The following RAB39A variants were observed in gnomAD, a reference collection of about 807,000 sequenced individuals.
The protein encoded by RAB39A is ras-related protein Rab-39A.
Under a neutral mutation model 20.9 loss-of-function variants are expected in RAB39A, and 17 were observed. The observed-to-expected ratio is 0.81, with a 90% CI of 0.56 to 1.22. The LOEUF (loss-of-function observed/expected upper bound fraction) is 1.22, where lower values mean the gene tolerates loss of function less well. RAB39A is among the 50% of genes most tolerant of loss of function. The probability of loss-of-function intolerance (pLI) is 0.00; values close to 1 mark genes in which losing one functional copy is unlikely to be tolerated. For synonymous variants in RAB39A, 99 were observed against 103.4 expected, an observed-to-expected ratio of 0.96 and a Z score of 0.26; for missense variants, 234 against 270.5, an observed-to-expected ratio of 0.87 and a Z score of 0.95.
chr11:107,936,152 G>A (rs945857084), intron 1 of RAB39A, among the ~76,000 whole-genome samples: 2 of 151,918 alleles, frequency 1.3e-5, no homozygotes, highest in East Asian at 1.9e-4. Flanking sequence ...CGCCCACCTC[G>A]GCCTCCCAAA....
At chr11:107,943,000 A>C (rs569885249) in intron 1 of RAB39A, among the ~76,000 whole-genome samples, 1 of 152,314 alleles carries the variant, frequency 6.6e-6, no homozygotes, top group East Asian at 1.9e-4. Context: ...AATACAGATA[A>C]CTGTCAGCAA....
At chr11:107,959,963 G>A (rs1003723077) in intron 1 of RAB39A, among the ~76,000 whole-genome samples, 1 of 152,180 alleles carries the variant, frequency 6.6e-6, no homozygotes, top group African/African-American at 2.4e-5. Flanking sequence ...TGTAATCCTA[G>A]CACTTTGGGA....
intron 1 of RAB39A, among the ~76,000 whole-genome samples, chr11:107,950,456 C>G (rs917940363): frequency 6.6e-6 from 1 of 151,898 alleles, no homozygotes; most frequent in Non-Finnish European, 1.5e-5. Flanking sequence ...GTTTTAAACA[C>G]TAGGGATACA....
Position 107,928,574 on chromosome 11 carries a change from G to A in RAB39A, c.6G>A (p.Glu2=). 1 of 1,510,530 alleles carries A rather than the reference G, an allele frequency of 6.6e-7. No individual in the cohort carries two copies. Among genetic ancestry groups the A allele is most frequent in the Non-Finnish European group, 9.0e-7 (1 of 1,113,166 alleles). 93.6% of individuals were successfully genotyped at this position (1,510,530 alleles called of 1,614,324 possible). A position where few individuals can be genotyped will look rare whatever the true frequency, so the allele number is the denominator to read the frequency against. M[E]TIWIYQFRLI... ...GCCAGCGGGGCACGTGAGCGATGGA[G>A]ACCATCTGGATCTACCAGTTCCGCC... Residue 2 remains glutamate, a synonymous_variant, in exon 1 of 2, where the codon GAG becomes GAA. Coordinates refer to ENST00000320578, the MANE Select transcript of RAB39A (RefSeq NM_017516.3). This position sits in a 1 kb window ranked among gnomAD's most constrained non-coding sequence, Gnocchi z 4.9.
intron 1 of RAB39A, among the ~76,000 whole-genome samples, chr11:107,929,059 C>T (rs554180): frequency 0.12 from 18,751 of 152,182 alleles, 1,719 homozygotes; most frequent in African/African-American, 0.26. Flanking sequence ...CCGGGGTCGT[C>T]CTCGCCGCCC....
intron 1 of RAB39A, among the ~76,000 whole-genome samples, chr11:107,939,436 C>T (rs376979040): frequency 1.3e-5 from 2 of 149,434 alleles, no homozygotes; most frequent in African/African-American, 4.9e-5. Flanking sequence ...GAAACCCCGT[C>T]TCTACTAAAA....
Position 107,928,545 on chromosome 11 carries a change from G to T in RAB39A, c.-24G>T, listed in dbSNP as rs775036190. 3 of 1,426,376 alleles carry T rather than the reference G, an allele frequency of 2.1e-6. No individual in the cohort carries two copies. The South Asian group carries it at 4.8e-5, about 23-fold the overall frequency. 88.4% of individuals were successfully genotyped at this position (1,426,376 alleles called of 1,614,324 possible). ...ACTTAGCCCGCGGGTGGGGCGGCCCGGGAGCCAGCGGGGCACGTGAGCGAT... is the reference window on the plus strand; with the variant it reads ...ACTTAGCCCGCGGGTGGGGCGGCCCTGGAGCCAGCGGGGCACGTGAGCGAT... On this transcript the variant is annotated 5_prime_UTR_variant, in exon 1 of 2. Coordinates refer to ENST00000320578, the MANE Select transcript of RAB39A (RefSeq NM_017516.3). The surrounding 1 kb of genome is among the most constrained non-coding windows in gnomAD (Gnocchi z 4.9).
intron 1 of RAB39A, among the ~76,000 whole-genome samples, chr11:107,945,390 T>C (rs889644734): frequency 1.8e-4 from 25 of 142,172 alleles, no homozygotes; most frequent in African/African-American, 5.5e-4. Context: ...CTATTTTAGC[T>C]TTTTTTTCCC....
intron 1 of RAB39A, among the ~76,000 whole-genome samples, chr11:107,940,767 C>A (rs2134957626): frequency 6.6e-6 from 1 of 152,098 alleles, no homozygotes; most frequent in South Asian, 2.1e-4. Flanking sequence ...GGTCAGGAGA[C>A]TGAGACCATC....
At chr11:107,943,763 C>T (rs1861282558) in intron 1 of RAB39A, among the ~76,000 whole-genome samples, 1 of 152,034 alleles carries the variant, frequency 6.6e-6, no homozygotes, top group Admixed American at 6.6e-5. Context: ...CAAGATATGG[C>T]AACTTAAATA....
intron 1 of RAB39A, among the ~76,000 whole-genome samples, chr11:107,943,838 T>TA (rs1162199449): frequency 6.6e-6 from 1 of 152,186 alleles, no homozygotes; most frequent in African/African-American, 2.4e-5. Flanking sequence ...CTCATGCCTG[T>TA]AATCCCAGCC....
At chr11:107,943,520 G>A (rs1056559586) in intron 1 of RAB39A, among the ~76,000 whole-genome samples, 4 of 143,598 alleles carry the variant, frequency 2.8e-5, no homozygotes, top group Non-Finnish European at 4.5e-5. Flanking sequence ...GCAGTGAGCC[G>A]AAATTGCACC....
intron 1 of RAB39A, among the ~76,000 whole-genome samples, chr11:107,934,827 G>A (rs895156217): frequency 2.6e-4 from 40 of 151,912 alleles, no homozygotes; most frequent in African/African-American, 9.4e-4. Context: ...TACTCAGGAG[G>A]CTGAGGTGGG....
rs1407397375 is a variant in RAB39A, at chr11:107,928,993, C to T, written c.227+198C>T. On this transcript the variant is annotated intron_variant, in intron 1 of 1. Coordinates refer to ENST00000320578, the MANE Select transcript of RAB39A (RefSeq NM_017516.3). This position sits in a 1 kb window ranked among gnomAD's most constrained non-coding sequence, Gnocchi z 4.9. ...CTTCCTCCTCCGCAATTTCTCACTT[C>T]TTTCTTTGGCGCCCATTTCCTGCGC... Among the ~76,000 whole-genome samples, 1 of 152,102 alleles carries T rather than the reference C, an allele frequency of 6.6e-6. No homozygotes were observed. The highest frequency in any genetic ancestry group is 1.5e-5 in the Non-Finnish European group (1 of 68,010).
At position 107,928,885 on chromosome 11, in the gene RAB39A, C is replaced by T; in HGVS notation, c.227+90C>T. 3.7e-6 allele frequency: 4 copies of T among 1,093,804 alleles called. No individual in the cohort carries two copies. The highest frequency in any genetic ancestry group is 5.1e-6 in the Non-Finnish European group (4 of 779,230). The allele number at this position is 1,093,804 out of a possible 1,614,324, so 67.8% of individuals were successfully genotyped here. A position where few individuals can be genotyped will look rare whatever the true frequency, so the allele number is the denominator to read the frequency against. Reference sequence around the variant, plus strand: ...AGGCGTCCGCCCCGCCGGCCCTGGTCGGGAGAGGCTCTGGCCCTTCCCTCT... The same window carrying T: ...AGGCGTCCGCCCCGCCGGCCCTGGTTGGGAGAGGCTCTGGCCCTTCCCTCT... On this transcript the variant is annotated intron_variant, in intron 1 of 1. Transcript: ENST00000320578. This position sits in a 1 kb window ranked among gnomAD's most constrained non-coding sequence, Gnocchi z 4.9.
intron 1 of RAB39A, among the ~76,000 whole-genome samples, chr11:107,933,313 ATGTGTG>A (rs60670768): frequency 0.092 from 11,526 of 125,198 alleles, 751 homozygotes; most frequent in African/African-American, 0.18. Flanking sequence ...ATATATATAT[ATGTGTG>A]TGTGTGTGTG....
chr11:107,948,673 C>G (rs185590725), intron 1 of RAB39A, among the ~76,000 whole-genome samples: 2 of 152,210 alleles, frequency 1.3e-5, no homozygotes, highest in African/African-American at 4.8e-5. Context: ...ATCTCTTGAC[C>G]TCGTGATCCG....
At position 107,958,333 on chromosome 11, in the gene RAB39A, G is replaced by A. The variant is rs1861459385; in HGVS notation, c.228-3613G>A. On this transcript the variant is annotated intron_variant, in intron 1 of 1. Coordinates refer to ENST00000320578, the MANE Select transcript of RAB39A (RefSeq NM_017516.3). ...GGCCTCCCTACCTAGTGCTTTTAGA[G>A]TCTGTTCCCTACCTTCTCATAATTC... 2.6e-5 allele frequency among the ~76,000 whole-genome samples: 4 copies of A among 152,178 alleles called. 1 individual carries two copies. Among genetic ancestry groups the A allele is most frequent in the Non-Finnish European group, 4.4e-5 (3 of 68,028 alleles).
At chr11:107,935,888 A>T (rs1307457861) in intron 1 of RAB39A, among the ~76,000 whole-genome samples, 7 of 144,328 alleles carry the variant, frequency 4.9e-5, no homozygotes, top group African/African-American at 1.8e-4. Flanking sequence ...GCAGCCCAGC[A>T]AGTCCTGGCC....
Sources: gnomAD v4.1 joint callset for allele counts (sites outside exome capture counted in the v4.1 genomes callset) on GRCh38, gnomAD v4.1.1 for gene constraint, Gnocchi (gnomAD v3.1) non-coding constraint, MANE v1.5 for transcripts, NCBI Gene and HGNC (gene_info 2026-07-23, HGNC 2026-07-21) for gene names.